JAKMIP1: variants seen among roughly 807,000 people sequenced by gnomAD.
JAKMIP1 encodes janus kinase and microtubule interacting protein 1.
Under a neutral mutation model 113.0 loss-of-function variants are expected in JAKMIP1, and 33 were observed. The observed-to-expected ratio is 0.29, with a 90% CI of 0.22 to 0.39. The LOEUF (loss-of-function observed/expected upper bound fraction) is 0.39. Ranked by LOEUF, JAKMIP1 falls within the 10% of genes least tolerant of loss-of-function variation. The pLI, the probability that JAKMIP1 is intolerant of heterozygous loss-of-function variation, is 1.00. For synonymous variants in JAKMIP1, 480 were observed against 459.9 expected (o/e 1.04, Z -0.56); for missense variants, 813 against 1,080.5 (o/e 0.75, Z 3.47).
rs1164668674 is a variant in JAKMIP1 at position 6,184,682 on chromosome 4, G to T, written c.-148+15571C>A. 1.3e-5 allele frequency among the ~76,000 whole-genome samples: 2 copies of T among 152,204 alleles called. No individual in the cohort carries two copies. Among genetic ancestry groups the T allele is most frequent in the Non-Finnish European group, 2.9e-5 (2 of 68,044 alleles). On this transcript the variant is annotated intron_variant, in intron 1 of 20. Coordinates refer to ENST00000409021, the MANE Select transcript of JAKMIP1 (RefSeq NM_001099433.2). The surrounding 1 kb of genome is among the most constrained non-coding windows in gnomAD (Gnocchi z 4.5). ...GCCTATCGAAGGGAAGCAACCAATT[G>T]TCAACTATTTTAGAAACAGCCAAAC...
At position 6,097,151 on chromosome 4, in the gene JAKMIP1, G is replaced by A. The variant is rs997868588; in HGVS notation, c.624+8322C>T. Among the ~76,000 whole-genome samples, 2 of 152,150 alleles carry A rather than the reference G, an allele frequency of 1.3e-5. No individual in the cohort carries two copies. Among genetic ancestry groups the A allele is most frequent in the Non-Finnish European group, 2.9e-5 (2 of 68,028 alleles). On this transcript the variant is annotated intron_variant, in intron 3 of 20. Coordinates refer to ENST00000409021, the MANE Select transcript of JAKMIP1 (RefSeq NM_001099433.2). The surrounding 1 kb of genome is among the most constrained non-coding windows in gnomAD (Gnocchi z 4.3). ...TGAGTAGCTGGGACTACAGGGGTAT[G>A]CCACCATGTCCGGCTAATTTTTAAA...
intron 1 of JAKMIP1, among the ~76,000 whole-genome samples, chr4:6,195,086 T>C (rs1313888548): frequency 2.0e-5 from 3 of 152,314 alleles, no homozygotes; most frequent in Admixed American, 6.5e-5. Flanking sequence ...GTGATCCCCA[T>C]TTCCCAAATG....
At chr4:6,056,485 C>T (rs1015302200) in intron 12 of JAKMIP1, among the ~76,000 whole-genome samples, 1 of 152,254 alleles carries the variant, frequency 6.6e-6, no homozygotes, top group African/African-American at 2.4e-5. Context: ...CCTAAACCAG[C>T]TCTGCAGACC....
At chr4:6,096,669 C>T (rs749985189) in intron 3 of JAKMIP1, among the ~76,000 whole-genome samples, 10 of 152,194 alleles carry the variant, frequency 6.6e-5, no homozygotes, top group Non-Finnish European at 1.3e-4. Flanking sequence ...AACTTTTACC[C>T]TGTAAAATGG....
chr4:6,152,493 A>G (rs559764762), intron 1 of JAKMIP1, among the ~76,000 whole-genome samples: 127 of 152,310 alleles, frequency 8.3e-4, no homozygotes, highest in African/African-American at 3.0e-3. Flanking sequence ...CGCACGAATA[A>G]AAGGCAGGCA....
chr4:6,104,812 G>A (rs79294668), intron 3 of JAKMIP1, among the ~76,000 whole-genome samples: 4,101 of 152,284 alleles, frequency 0.027, 90 homozygotes, highest in Middle Eastern at 0.075. Flanking sequence ...GGACTCAGGA[G>A]GATCTCCTGT....
rs1258584934 is a variant in JAKMIP1, at chr4:6,150,371, C to A, written c.-147-37374G>T. ...GCGGAGACCAGGGGCTGAGGTTGGC[C>A]CCCGGTGTCAGCTTCTAACTAAAAG... On this transcript the variant is annotated intron_variant, in intron 1 of 20. Transcript: ENST00000409021. This position sits in a 1 kb window ranked among gnomAD's most constrained non-coding sequence, Gnocchi z 4.8. 1 of 152,196 alleles carries A rather than the reference C, an allele frequency of 6.6e-6. No homozygotes were observed. Among genetic ancestry groups the A allele is most frequent in the Non-Finnish European group, 1.5e-5 (1 of 68,078 alleles). The allele number at this position is 152,196 out of a possible 1,614,324, so 9.4% of individuals were successfully genotyped here. A position where few individuals can be genotyped will look rare whatever the true frequency, so the allele number is the denominator to read the frequency against.
chr4:6,164,533 A>G (rs1278395751), intron 1 of JAKMIP1, among the ~76,000 whole-genome samples: 1 of 152,232 alleles, frequency 6.6e-6, no homozygotes, highest in Non-Finnish European at 1.5e-5. Flanking sequence ...TTTAAGTAGT[A>G]TTATTTAAGA....
chr4:6,131,398 G>T (rs550725742), intron 1 of JAKMIP1, among the ~76,000 whole-genome samples: 43 of 149,656 alleles, frequency 2.9e-4, no homozygotes, highest in African/African-American at 1.1e-3. Context: ...CCTACACTTA[G>T]CATATCATAT....
At chr4:6,131,162 CAAA>C (rs1269297167) in intron 1 of JAKMIP1, among the ~76,000 whole-genome samples, 3 of 18,100 alleles carry the variant, frequency 1.7e-4, no homozygotes, top group Non-Finnish European at 1.0e-4. Context: ...ACCTTGCCTC[CAAA>C]AAAAAAAAAA....
In JAKMIP1 at chr4:6,049,867, C is replaced by A; in HGVS notation, c.1914G>T (p.Val638=). 1 of 1,611,504 alleles carries A rather than the reference C, an allele frequency of 6.2e-7. No homozygotes were observed. Among genetic ancestry groups the A allele is most frequent in the South Asian group, 1.1e-5 (1 of 90,888 alleles). The change falls in exon 15 of 21, where the codon GTG becomes GTT. Residue 638 remains valine, a synonymous_variant. Transcript: ENST00000409021. The surrounding 1 kb of genome is among the most constrained non-coding windows in gnomAD (Gnocchi z 7.0). ...ATTTCTTCATAAGTTCAGAAACATT[C>A]ACATCCTGGAAGAGATTTCCAACGT... ...LFCHQEGVKD[V]NVSELMKKLD...
In JAKMIP1 at chr4:6,157,254, T is replaced by C. The variant is rs57076706; in HGVS notation, c.-148+42999A>G. 0.075 allele frequency among the ~76,000 whole-genome samples: 11,345 copies of C among 152,142 alleles called. 707 individuals carry two copies. The highest frequency in any genetic ancestry group is 0.16 in the African/African-American group (6,831 of 41,484). The stretch of plus-strand genomic sequence containing the variant: ...TTTTCTTTATAAACTACCCAGGTGG[T>C]GATATTGTGTTATAGCAACACAAAA... On this transcript the variant is annotated intron_variant, in intron 1 of 20. Transcript: ENST00000409021. The surrounding 1 kb of genome is among the most constrained non-coding windows in gnomAD (Gnocchi z 4.7).
At chr4:6,066,778 T>C (rs1231671755) in intron 8 of JAKMIP1, among the ~76,000 whole-genome samples, 2 of 151,884 alleles carry the variant, frequency 1.3e-5, no homozygotes, top group South Asian at 2.1e-4. Flanking sequence ...CCAATATCTC[T>C]CTCTCTGGAA....
chr4:6,033,317 C>T (rs963685212), intron 19 of JAKMIP1, among the ~76,000 whole-genome samples: 2 of 152,094 alleles, frequency 1.3e-5, no homozygotes, highest in African/African-American at 2.4e-5. Context: ...AGTGCTTGGG[C>T]CAGATCAGAA....
At chr4:6,071,456 A>G (rs992606338) in intron 8 of JAKMIP1, among the ~76,000 whole-genome samples, 1 of 152,186 alleles carries the variant, frequency 6.6e-6, no homozygotes, top group Non-Finnish European at 1.5e-5. Context: ...CCGGGCACCT[A>G]CAGACCCAGC....
At chr4:6,078,380 A>G (rs1719991014) in intron 8 of JAKMIP1, among the ~76,000 whole-genome samples, 1 of 149,018 alleles carries the variant, frequency 6.7e-6, no homozygotes, top group Admixed American at 6.8e-5. Flanking sequence ...AAATAGGTTT[A>G]CAGGTTTAAA....
chr4:6,098,724 A>AAAGAAAG (rs1712455667), intron 3 of JAKMIP1, among the ~76,000 whole-genome samples: 1 of 10,432 alleles, frequency 9.6e-5, no homozygotes, highest in African/African-American at 2.3e-4. Context: ...AAGAAAGAAA[A>AAAGAAAG]AGAAAGAAAG....
At chr4:6,109,339 T>C (rs1298938259) in intron 2 of JAKMIP1, among the ~76,000 whole-genome samples, 1 of 151,934 alleles carries the variant, frequency 6.6e-6, no homozygotes, top group East Asian at 1.9e-4. Context: ...TTCACTGTGT[T>C]AGCCAGGATG....
Position 6,059,282 on chromosome 4 carries a change from C to T in JAKMIP1, c.1644+1142G>A, listed in dbSNP as rs59311360. Among the ~76,000 whole-genome samples, 2,535 of 152,276 alleles carry T rather than the reference C, an allele frequency of 0.017. 58 individuals carry two copies. The highest frequency in any genetic ancestry group is 0.058 in the African/African-American group (2,409 of 41,540). Reference sequence around the variant, plus strand: ...GCATGCATGCTGGTCGCTGGCCGTCCGCCTCCATGGGAACCTCAGTCTCAA... The same window carrying T: ...GCATGCATGCTGGTCGCTGGCCGTCTGCCTCCATGGGAACCTCAGTCTCAA... On this transcript the variant is annotated intron_variant, in intron 11 of 20. Coordinates refer to ENST00000409021, the MANE Select transcript of JAKMIP1 (RefSeq NM_001099433.2). The surrounding 1 kb of genome is among the most constrained non-coding windows in gnomAD (Gnocchi z 4.8).
Sources: gnomAD v4.1 joint callset for allele counts (sites outside exome capture counted in the v4.1 genomes callset) on GRCh38, gnomAD v4.1.1 for gene constraint, Gnocchi (gnomAD v3.1) non-coding constraint, MANE v1.5 for transcripts, NCBI Gene and HGNC (gene_info 2026-07-23, HGNC 2026-07-21) for gene names.